Variants in SNX7 observed in about 807,000 individuals in gnomAD.
SNX7 encodes sorting nexin 7.
A neutral mutation model predicts 48.4 loss-of-function variants in SNX7; 35 were observed. The ratio of observed to expected loss-of-function variants is 0.72; its 90% confidence interval spans 0.55 to 0.96. The LOEUF (loss-of-function observed/expected upper bound fraction) is 0.96, where lower values mean the gene tolerates loss of function less well. SNX7 is among the 40% of genes least tolerant of loss of function. SNX7 has a pLI of 0.00. For synonymous variants in SNX7, 190 were observed against 190.2 expected (o/e 1.00, Z 0.01); for missense variants, 553 against 548.9 (o/e 1.01, Z -0.07).
At chr1:98,721,318 T>G (rs567101239) in intron 7 of SNX7, among the ~76,000 whole-genome samples, 1 of 152,254 alleles carries the variant, frequency 6.6e-6, no homozygotes, top group South Asian at 2.1e-4. Flanking sequence ...TGTACTATAC[T>G]CATGTTTTAC....
intron 6 of SNX7, 124 bp downstream of exon 6, chr1:98,699,029 G>A (rs764187301): frequency 2.3e-5 from 18 of 786,666 alleles, no homozygotes; most frequent in East Asian, 5.4e-5. Flanking sequence ...TTTGCATGTA[G>A]ATGTTCAATA....
intron 5 of SNX7, among the ~76,000 whole-genome samples, chr1:98,696,930 G>A (rs754416581): frequency 6.6e-6 from 1 of 152,074 alleles, no homozygotes; most frequent in African/African-American, 2.4e-5. Flanking sequence ...TCACAGTCTA[G>A]TTGGGAAATA....
In SNX7 at chr1:98,735,454, G is replaced by C. The variant is rs186497952; in HGVS notation, c.1126-2783G>C. 1.0e-3 allele frequency among the ~76,000 whole-genome samples: 158 copies of C among 152,170 alleles called. 1 individual carries two copies. Among genetic ancestry groups the C allele is most frequent in the Non-Finnish European group, 1.8e-3 (121 of 67,984 alleles). ...TGATATAGTCACCAAAAAATGACAA[G>C]AATTGATCATACATATTTAAGGCAT... On this transcript the variant is annotated intron_variant, in intron 7 of 8. Transcript: ENST00000306121.
intron 7 of SNX7, among the ~76,000 whole-genome samples, chr1:98,728,216 T>C (rs901741134): frequency 1.3e-5 from 2 of 152,108 alleles, no homozygotes; most frequent in African/African-American, 4.8e-5. Context: ...GCCAGAAGTG[T>C]TTGGTGGCCA....
chr1:98,760,133 CCCAT>C lies in SNX7; in HGVS notation c.*3_*6del. 6.3e-7 allele frequency: 1 copy of C among 1,596,738 alleles called. No homozygotes were observed. Among genetic ancestry groups the C allele is most frequent in the Non-Finnish European group, 8.6e-7 (1 of 1,164,850 alleles). ...GAAGCCTCTGAAGATAAACCTTAAT[CCCAT>C]TGAGGACTTCTGTTTGATCTTTGGG... On this transcript the variant is annotated 3_prime_UTR_variant, in exon 9 of 9. Transcript: ENST00000306121.
intron 3 of SNX7, 24 bp from the exon 4 acceptor site, chr1:98,691,510 AC>A (rs1240117295): frequency 6.5e-6 from 10 of 1,547,690 alleles, no homozygotes; most frequent in African/African-American, 2.8e-5. Context: ...ATACTTGAAT[AC>A]CTTTTTAATT....
intron 1 of SNX7, chr1:98,662,928 T>A: frequency 3.1e-6 from 3 of 974,248 alleles, no homozygotes; most frequent in Non-Finnish European, 4.1e-6. Flanking sequence ...AACTTATTTC[T>A]ACTTCGGTTT....
At chr1:98,701,144 G>T (rs4528139) in intron 6 of SNX7, among the ~76,000 whole-genome samples, 133,646 of 152,136 alleles carry the variant, frequency 0.88, 59,925 homozygotes, top group Non-Finnish European at 0.96. Flanking sequence ...AGATGTAGTT[G>T]AATTCTGCAC....
chr1:98,702,279 G>A (rs1557808463), intron 7 of SNX7, among the ~76,000 whole-genome samples: 1 of 152,046 alleles, frequency 6.6e-6, no homozygotes, highest in African/African-American at 2.4e-5. Flanking sequence ...ATACATTAAT[G>A]TTCCTGTATA....
At chr1:98,718,680 A>G (rs1342722314) in intron 7 of SNX7, among the ~76,000 whole-genome samples, 1 of 152,138 alleles carries the variant, frequency 6.6e-6, no homozygotes, top group Non-Finnish European at 1.5e-5. Context: ...TATTCTCCCA[A>G]GTCCCACTAC....
intron 7 of SNX7, among the ~76,000 whole-genome samples, chr1:98,735,519 A>G (rs1653729356): frequency 6.6e-6 from 1 of 152,144 alleles, no homozygotes; most frequent in South Asian, 2.1e-4. Flanking sequence ...GATTGAGGAA[A>G]CTGCACTAGA....
Position 98,748,637 on chromosome 1 carries a change from AACACAC to A in SNX7, c.1278+10279_1278+10284del, listed in dbSNP as rs58973289. Reference sequence around the variant, plus strand: ...GTATAGAAAAGGAAGAAATGATTTAAACACACACACACACACACACACACACACACA... The same window carrying A: ...GTATAGAAAAGGAAGAAATGATTTAAACACACACACACACACACACACACA... On this transcript the variant is annotated intron_variant, in intron 8 of 8. Coordinates refer to ENST00000306121, the MANE Select transcript of SNX7 (RefSeq NM_015976.5). Among the ~76,000 whole-genome samples, 76 of 145,886 alleles carry A rather than the reference AACACAC, an allele frequency of 5.2e-4. 1 individual carries two copies. Among genetic ancestry groups the A allele is most frequent in the Admixed American group, 1.0e-3 (15 of 14,624 alleles).
At chr1:98,740,909 T>C (rs139048032) in intron 8 of SNX7, among the ~76,000 whole-genome samples, 2 of 152,298 alleles carry the variant, frequency 1.3e-5, no homozygotes, top group Non-Finnish European at 2.9e-5. Context: ...ATAGCTCCAA[T>C]TGTTTGTTGA....
At chr1:98,708,267 G>A (rs1303048546) in intron 7 of SNX7, among the ~76,000 whole-genome samples, 1 of 151,966 alleles carries the variant, frequency 6.6e-6, no homozygotes, top group East Asian at 1.9e-4. Context: ...TAAAGAACAT[G>A]ACAGTGTCCA....
chr1:98,759,712 AGTATGTTTGTATCATCACTCCTCCT>A (rs1655021384), intron 8 of SNX7, among the ~76,000 whole-genome samples: 1 of 152,076 alleles, frequency 6.6e-6, no homozygotes. Flanking sequence ...ATCGAACTGA[AGTATGTTTGTATCATCACTCCTCCT>A]CAGCTCCAGC....
At chr1:98,734,098 A>G (rs147066433) in intron 7 of SNX7, among the ~76,000 whole-genome samples, 2 of 152,184 alleles carry the variant, frequency 1.3e-5, no homozygotes, top group East Asian at 1.9e-4. Context: ...ACTCTGCAGC[A>G]TACTATTTCT....
chr1:98,691,935 ACACTCT>A (rs1302959645), intron 4 of SNX7, among the ~76,000 whole-genome samples: 8 of 87,286 alleles, frequency 9.2e-5, no homozygotes, highest in African/African-American at 3.3e-4. Flanking sequence ...ACACACACAC[ACACTCT>A]CTCTCTCTCT....
chr1:98,673,307 G>A (rs991433362), intron 1 of SNX7, among the ~76,000 whole-genome samples: 1 of 152,012 alleles, frequency 6.6e-6, no homozygotes, highest in South Asian at 2.1e-4. Flanking sequence ...TGGTTGGTCC[G>A]ACTGGAATCC....
At chr1:98,737,714 G>C (rs1653860444) in intron 7 of SNX7, among the ~76,000 whole-genome samples, 1 of 152,110 alleles carries the variant, frequency 6.6e-6, no homozygotes, top group Non-Finnish European at 1.5e-5. Context: ...CTAGCTATCT[G>C]AGTAGAGTTT....
Sources: allele counts gnomAD v4.1 joint callset (sites outside exome capture counted in the v4.1 genomes callset), GRCh38; gene constraint gnomAD v4.1.1; transcripts MANE v1.5; gene names NCBI Gene and HGNC (gene_info 2026-07-23, HGNC 2026-07-21).